The following FUT9 variants were observed in gnomAD, a reference collection of about 807,000 sequenced individuals.
FUT9 encodes the protein fucosyltransferase 9, also known as 4-galactosyl-N-acetylglucosaminide 3-alpha-L-fucosyltransferase 9.
Under a neutral mutation model 29.7 loss-of-function variants are expected in FUT9, and 15 were observed. The observed-to-expected ratio is 0.51, with a 90% CI of 0.34 to 0.78. The LOEUF (loss-of-function observed/expected upper bound fraction) is 0.78. Among genes scored for constraint, FUT9 ranks in the 30% least tolerant of loss-of-function variants. The pLI, the probability that FUT9 is intolerant of heterozygous loss-of-function variation, is 0.01. For missense variants in FUT9, 319 were observed against 425.4 expected, an observed-to-expected ratio of 0.75 and a Z score of 2.20; for synonymous variants, 169 against 153.7, an observed-to-expected ratio of 1.10 and a Z score of -0.74.
chr6:96,108,103 C>T (rs909456218), intron 1 of FUT9, among the ~76,000 whole-genome samples: 2 of 151,872 alleles, frequency 1.3e-5, no homozygotes, highest in African/African-American at 4.8e-5. Context: ...TTATTTCCCT[C>T]CCTTCTTCTC....
At chr6:96,064,239 A>C (rs1234315454) in intron 1 of FUT9, among the ~76,000 whole-genome samples, 1 of 152,212 alleles carries the variant, frequency 6.6e-6, no homozygotes, top group African/African-American at 2.4e-5. Flanking sequence ...GTATTCAACC[A>C]ATAGTCTCAT....
chr6:96,197,617 G>T (rs543252205), intron 2 of FUT9, among the ~76,000 whole-genome samples: 75 of 152,172 alleles, frequency 4.9e-4, no homozygotes, highest in African/African-American at 1.8e-3. Context: ...CATTAGGAAT[G>T]GTTTAATAGT....
At chr6:96,031,461 G>C (rs1039423547) in intron 1 of FUT9, among the ~76,000 whole-genome samples, 3 of 151,410 alleles carry the variant, frequency 2.0e-5, no homozygotes, top group Non-Finnish European at 4.4e-5. Context: ...AGTCAGACTA[G>C]TAAACATATA....
At chr6:96,195,270 T>C (rs886142003) in intron 2 of FUT9, among the ~76,000 whole-genome samples, 1 of 152,158 alleles carries the variant, frequency 6.6e-6, no homozygotes, top group African/African-American at 2.4e-5. Flanking sequence ...GGATTTATTA[T>C]TACCAGAGAG....
intron 2 of FUT9, among the ~76,000 whole-genome samples, chr6:96,163,655 C>A: frequency 6.6e-6 from 1 of 152,050 alleles, no homozygotes; most frequent in East Asian, 1.9e-4. Context: ...CTCACTCAAT[C>A]TGCTGTGATT....
chr6:96,035,847 T>TATTATGTTTATTATATTAATATAATAC (rs1562103037), intron 1 of FUT9, among the ~76,000 whole-genome samples: 3 of 126,830 alleles, frequency 2.4e-5, no homozygotes, highest in Non-Finnish European at 3.3e-5. Flanking sequence ...TAATATAATA[T>TATTATGTTTATTATATTAATATAATAC]ATTATGTTTA....
At chr6:96,123,245 T>A (rs1430516781) in intron 2 of FUT9, among the ~76,000 whole-genome samples, 1 of 152,280 alleles carries the variant, frequency 6.6e-6, no homozygotes, top group East Asian at 1.9e-4. Flanking sequence ...GTTGAACGAA[T>A]TACTAACTTC....
At position 96,055,251 on chromosome 6, in the gene FUT9, A is replaced by G. The variant is rs1770741306; in HGVS notation, c.-98+39039A>G. Among the ~76,000 whole-genome samples, 3 of 152,286 alleles carry G rather than the reference A, an allele frequency of 2.0e-5. No individual in the cohort carries two copies. In the South Asian group the frequency reaches 6.2e-4, roughly 32 times the overall value. On this transcript the variant is annotated intron_variant, in intron 1 of 2. Transcript: ENST00000302103. The stretch of plus-strand genomic sequence containing the variant: ...TTTGCCTTTGCATATAGCTTTAGTG[A>G]TGTGATATAATTTTGATGTGCAGCA...
chr6:96,101,001 T>A (rs1415627031), intron 1 of FUT9, among the ~76,000 whole-genome samples: 1 of 152,058 alleles, frequency 6.6e-6, no homozygotes, highest in African/African-American at 2.4e-5. Flanking sequence ...ACTTAGTACA[T>A]TGCATACATG....
chr6:96,214,656 T>A lies in FUT9; in HGVS notation c.*10421T>A, dbSNP rs1447137071. The A allele has an allele frequency of 6.0e-6, 1 of 166,944 alleles. No individual in the cohort carries two copies. Among genetic ancestry groups the A allele is most frequent in the Admixed American group, 6.6e-5 (1 of 15,258 alleles). 10.3% of individuals were successfully genotyped at this position (166,944 alleles called of 1,614,324 possible). On this transcript the variant is annotated 3_prime_UTR_variant, in exon 3 of 3. Transcript: ENST00000302103. ...AAAGGGCTTAATCCCAAACAGGTAATATGTGTGGATCAATCATCTCTCCTC... is the reference window on the plus strand; with the variant it reads ...AAAGGGCTTAATCCCAAACAGGTAAAATGTGTGGATCAATCATCTCTCCTC...
At chr6:96,159,834 T>G (rs1562146807) in intron 2 of FUT9, among the ~76,000 whole-genome samples, 2 of 152,210 alleles carry the variant, frequency 1.3e-5, no homozygotes, top group African/African-American at 2.4e-5. Context: ...TGTAATAAAC[T>G]GTCTTGATAA....
chr6:96,160,626 T>A (rs1025961496), intron 2 of FUT9, among the ~76,000 whole-genome samples: 4 of 152,050 alleles, frequency 2.6e-5, no homozygotes, highest in African/African-American at 9.7e-5. Context: ...TCCAAATAAG[T>A]CAAAAAATGT....
chr6:96,077,933 C>G (rs1771166038), intron 1 of FUT9, among the ~76,000 whole-genome samples: 1 of 152,188 alleles, frequency 6.6e-6, no homozygotes, highest in Non-Finnish European at 1.5e-5. Context: ...TTATCCCTAG[C>G]GTTCCGAAAT....
At chr6:96,069,023 T>C (rs1024515465) in intron 1 of FUT9, among the ~76,000 whole-genome samples, 5 of 152,010 alleles carry the variant, frequency 3.3e-5, no homozygotes, top group African/African-American at 1.2e-4. Context: ...AATATGATAG[T>C]TAAGAATCAT....
At chr6:96,200,272 T>A (rs184493121) in intron 2 of FUT9, among the ~76,000 whole-genome samples, 6 of 152,320 alleles carry the variant, frequency 3.9e-5, no homozygotes, top group Admixed American at 3.9e-4. Flanking sequence ...CGTTAAATAG[T>A]TCTTAATTAC....
At chr6:96,154,150 G>C (rs1460834797) in intron 2 of FUT9, among the ~76,000 whole-genome samples, 1 of 152,182 alleles carries the variant, frequency 6.6e-6, no homozygotes, top group Non-Finnish European at 1.5e-5. Context: ...CTTTAAATCA[G>C]AGCTCAACAC....
At chr6:96,169,005 A>G (rs936071003) in intron 2 of FUT9, among the ~76,000 whole-genome samples, 3 of 152,298 alleles carry the variant, frequency 2.0e-5, no homozygotes, top group Non-Finnish European at 2.9e-5. Context: ...AGGGAGTAGA[A>G]GCATATATGT....
intron 2 of FUT9, among the ~76,000 whole-genome samples, chr6:96,117,062 T>G (rs892850608): frequency 1.3e-5 from 2 of 152,214 alleles, no homozygotes; most frequent in African/African-American, 4.8e-5. Context: ...CTGAAGGTGA[T>G]GCAGTCAAAG....
chr6:96,151,706 A>G (rs962717201), intron 2 of FUT9, among the ~76,000 whole-genome samples: 1 of 152,156 alleles, frequency 6.6e-6, no homozygotes, highest in Admixed American at 6.5e-5. Flanking sequence ...CACTATCCAT[A>G]TCTCTCATGA....
Sources: gnomAD v4.1 joint callset for allele counts (sites outside exome capture counted in the v4.1 genomes callset) on GRCh38, gnomAD v4.1.1 for gene constraint, MANE v1.5 for transcripts, NCBI Gene and HGNC (gene_info 2026-07-23, HGNC 2026-07-21) for gene names.